Variants in COL21A1 observed in about 807,000 individuals in gnomAD.
COL21A1 encodes the protein collagen alpha-1(XXI) chain.
COL21A1 carries 149 observed loss-of-function variants against 137.9 expected under a neutral mutation model. The ratio of observed to expected loss-of-function variants is 1.08; its 90% CI spans 0.95 to 1.24. The LOEUF is 1.24. COL21A1 is among the 50% of genes most tolerant of loss of function. COL21A1 has a pLI of 0.00. For missense variants in COL21A1, 1,167 were observed against 1,158.4 expected, an observed-to-expected ratio of 1.01 and a Z score of -0.11; for synonymous variants, 456 against 391.5, an observed-to-expected ratio of 1.16 and a Z score of -1.95.
At chr6:56,167,577 T>C (rs892092648) in intron 6 of COL21A1, among the ~76,000 whole-genome samples, 2 of 152,244 alleles carry the variant, frequency 1.3e-5, no homozygotes, top group African/African-American at 4.8e-5. Context: ...AGGGTTTTTC[T>C]AGAAATGGCA....
At chr6:56,351,679 A>G (rs186092986) in intron 1 of COL21A1, among the ~76,000 whole-genome samples, 1 of 152,364 alleles carries the variant, frequency 6.6e-6, no homozygotes. Flanking sequence ...CACATCCCAA[A>G]CTAATCCTGG....
intron 10 of COL21A1, among the ~76,000 whole-genome samples, chr6:56,144,643 G>C (rs2152241177): frequency 1.3e-5 from 2 of 152,274 alleles, no homozygotes; most frequent in Middle Eastern, 3.4e-3. Flanking sequence ...CGAAGAAGTT[G>C]ATGTGGTATT....
intron 1 of COL21A1, among the ~76,000 whole-genome samples, chr6:56,344,752 A>C (rs1342662589): frequency 6.6e-6 from 1 of 152,012 alleles, no homozygotes; most frequent in Non-Finnish European, 1.5e-5. Context: ...ATAGTGGGTG[A>C]GTTCTCATGA....
intron 1 of COL21A1, among the ~76,000 whole-genome samples, chr6:56,279,895 T>C (rs1763753332): frequency 6.6e-6 from 1 of 152,184 alleles, no homozygotes; most frequent in Non-Finnish European, 1.5e-5. Flanking sequence ...TAATGTTTAA[T>C]AGCAATGCAA....
At chr6:56,300,136 C>T (rs1400869011) in intron 1 of COL21A1, among the ~76,000 whole-genome samples, 3 of 151,948 alleles carry the variant, frequency 2.0e-5, no homozygotes, top group South Asian at 2.1e-4. Flanking sequence ...CAAAATGTGC[C>T]GGAAGCCAAC....
intron 10 of COL21A1, among the ~76,000 whole-genome samples, chr6:56,156,505 A>T (rs868817136): frequency 6.6e-6 from 1 of 152,164 alleles, no homozygotes; most frequent in South Asian, 2.1e-4. Flanking sequence ...TTTGAAATGT[A>T]ATCATCAAGG....
chr6:56,102,417 C>T (rs1284612971), intron 16 of COL21A1, among the ~76,000 whole-genome samples: 2 of 152,088 alleles, frequency 1.3e-5, no homozygotes, highest in Non-Finnish European at 2.9e-5. Context: ...TCACAACAAG[C>T]AAAGTTCTCT....
At chr6:56,387,916 T>C (rs957269231) in intron 1 of COL21A1, among the ~76,000 whole-genome samples, 2 of 152,162 alleles carry the variant, frequency 1.3e-5, no homozygotes, top group Non-Finnish European at 2.9e-5. Context: ...GGGGTACACA[T>C]GACCCAGTGC....
chr6:56,307,867 C>T (rs1432857907), intron 1 of COL21A1, among the ~76,000 whole-genome samples: 1 of 152,172 alleles, frequency 6.6e-6, no homozygotes, highest in Non-Finnish European at 1.5e-5. Context: ...CTTGGCTCCA[C>T]CCCCTCTTTA....
At position 56,194,655 on chromosome 6, in the gene COL21A1, C is replaced by T. The variant is rs566497764; in HGVS notation, c.-38-11999G>A. Among the ~76,000 whole-genome samples the T allele has an allele frequency of 2.1e-4, 32 of 152,074 alleles. 1 individual carries two copies. The South Asian group carries it at 4.4e-3, about 21-fold the overall frequency. ...TAGTATAACTCAGAATTTCTACAAG[C>T]GAAAAAATTATAAAGCCTTGATACT... is the stretch of plus-strand genomic sequence containing the variant. On this transcript the variant is annotated intron_variant, in intron 1 of 29. Coordinates refer to ENST00000244728, the MANE Select transcript of COL21A1 (RefSeq NM_030820.4).
At chr6:56,177,259 T>C (rs905869149) in intron 3 of COL21A1, among the ~76,000 whole-genome samples, 3 of 152,148 alleles carry the variant, frequency 2.0e-5, no homozygotes, top group Non-Finnish European at 4.4e-5. Flanking sequence ...TAAACTGTGG[T>C]AAATATTATT....
At chr6:56,210,990 A>T (rs942483321) in intron 1 of COL21A1, among the ~76,000 whole-genome samples, 2 of 151,380 alleles carry the variant, frequency 1.3e-5, no homozygotes, top group Admixed American at 1.3e-4. Context: ...TTCACCATTT[A>T]AAAAAAATGT....
At chr6:56,350,697 G>C (rs559494984) in intron 1 of COL21A1, among the ~76,000 whole-genome samples, 2 of 152,288 alleles carry the variant, frequency 1.3e-5, no homozygotes, top group South Asian at 4.1e-4. Context: ...TATAAGCATT[G>C]CCCGATGTGT....
chr6:56,103,645 A>C (rs1770636763), intron 16 of COL21A1, among the ~76,000 whole-genome samples: 1 of 152,164 alleles, frequency 6.6e-6, no homozygotes. Flanking sequence ...AGCAAGGTTC[A>C]TCAATAATGA....
intron 9 of COL21A1, among the ~76,000 whole-genome samples, chr6:56,159,343 T>TG (rs1218084024): frequency 2.6e-5 from 4 of 151,210 alleles, no homozygotes; most frequent in Non-Finnish European, 5.9e-5. Context: ...CATTTTTTTT[T>TG]TTTTTTTGAG....
intron 1 of COL21A1, among the ~76,000 whole-genome samples, chr6:56,255,861 C>G (rs754341260): frequency 6.6e-6 from 1 of 152,116 alleles, no homozygotes; most frequent in Admixed American, 6.6e-5. Flanking sequence ...TCACCGCAGC[C>G]GCTGTCTGAG....
At position 56,365,128 on chromosome 6, in the gene COL21A1, A is replaced by G. The variant is rs141640856; in HGVS notation, c.-39+28843T>C. Among the ~76,000 whole-genome samples, 185 of 152,312 alleles carry G rather than the reference A, an allele frequency of 1.2e-3. 3 individuals carry two copies. The highest frequency in any genetic ancestry group is 6.8e-3 in the Middle Eastern group (2 of 294). ...GGAATCCTAAACCACCAGGAATCAA[A>G]TTTATCAGGAATAAAAACAATTACA... is the stretch of plus-strand genomic sequence containing the variant. On this transcript the variant is annotated intron_variant, in intron 1 of 28. Transcript: ENST00000370819.
intron 24 of COL21A1, among the ~76,000 whole-genome samples, chr6:56,062,963 C>T (rs1359503816): frequency 1.3e-5 from 2 of 152,192 alleles, no homozygotes; most frequent in South Asian, 2.1e-4. Flanking sequence ...ATTCACAAAA[C>T]GAGGGCCAAA....
intron 17 of COL21A1, among the ~76,000 whole-genome samples, chr6:56,080,524 A>C (rs1562163204): frequency 6.6e-6 from 1 of 151,848 alleles, no homozygotes; most frequent in East Asian, 1.9e-4. Flanking sequence ...TAATGAAGGG[A>C]ATGTGTCTAT....
Sources: gnomAD v4.1 joint callset for allele counts (sites outside exome capture counted in the v4.1 genomes callset) on GRCh38, gnomAD v4.1.1 for gene constraint, MANE v1.5 for transcripts, NCBI Gene and HGNC (gene_info 2026-07-23, HGNC 2026-07-21) for gene names.